ABCA4: variants seen among roughly 807,000 people sequenced by gnomAD.
ABCA4 encodes the protein ATP binding cassette subfamily A member 4.
In ABCA4, 196 loss-of-function variants were observed where a neutral mutation model predicts 263.7. The ratio of observed to expected loss-of-function variants is 0.74; its 90% CI spans 0.66 to 0.84. The LOEUF (loss-of-function observed/expected upper bound fraction) is 0.84, where lower values mean the gene tolerates loss of function less well. Among genes scored for constraint, ABCA4 ranks in the 40% least tolerant of loss-of-function variants. The probability of loss-of-function intolerance (pLI) is 0.00; values close to 1 mark genes in which losing one functional copy is unlikely to be tolerated. For synonymous variants in ABCA4, 1,133 were observed against 1,094.2 expected (o/e 1.04, Z -0.70); for missense variants, 2,792 against 2,855.1 (o/e 0.98, Z 0.50).
intron 48 of ABCA4, 116 bp from the exon 49 acceptor site, chr1:93,996,311 G>A: frequency 2.4e-6 from 2 of 833,212 alleles, no homozygotes; most frequent in South Asian, 2.9e-5. Flanking sequence ...CTGCTGGTAT[G>A]GCTTGTGTCC....
At chr1:94,085,819 C>T (rs534748395) in intron 6 of ABCA4, among the ~76,000 whole-genome samples, 7 of 152,314 alleles carry the variant, frequency 4.6e-5, no homozygotes, top group Admixed American at 1.3e-4. Context: ...GCTCTGCTCT[C>T]TATTCCCCCC....
chr1:94,055,086 T>A (rs1660935706), intron 16 of ABCA4, 25 bp downstream of exon 16: 2 of 1,606,202 alleles, frequency 1.2e-6, no homozygotes, highest in Non-Finnish European at 8.5e-7. Flanking sequence ...TCAATTACCT[T>A]TACCCTATAG....
chr1:94,046,455 C>CAAAAAAAAAAAAAAAAA (rs61333901), intron 19 of ABCA4, among the ~76,000 whole-genome samples: 10 of 42,230 alleles, frequency 2.4e-4, no homozygotes, highest in East Asian at 9.5e-4. Context: ...GTTACTATCT[C>CAAAAAAAAAAAAAAAAA]AAAAAAAAAA....
intron 15 of ABCA4, 57 bp downstream of exon 15, chr1:94,056,544 C>T: frequency 6.4e-7 from 1 of 1,565,330 alleles, no homozygotes; most frequent in South Asian, 1.1e-5. Context: ...TCCAGGACTG[C>T]TACGGACCCT....
intron 36 of ABCA4, among the ~76,000 whole-genome samples, chr1:94,016,313 G>T (rs1659743921): frequency 6.6e-6 from 1 of 152,218 alleles, no homozygotes; most frequent in African/African-American, 2.4e-5. Flanking sequence ...TAGGGGAGGA[G>T]CCATGGTGAT....
intron 43 of ABCA4, among the ~76,000 whole-genome samples, chr1:94,005,783 T>C (rs935869136): frequency 1.3e-5 from 2 of 152,234 alleles, no homozygotes; most frequent in Admixed American, 6.5e-5. Context: ...GATTCTTCCA[T>C]GTTTCCATGT....
At position 94,037,213 on chromosome 1, in the gene ABCA4, C is replaced by G. The variant is rs1451564181; in HGVS notation, c.3745G>C (p.Glu1249Gln). 1 of 1,614,094 alleles carries G rather than the reference C, an allele frequency of 6.2e-7. No homozygotes were observed. Among genetic ancestry groups the G allele is most frequent in the African/African-American group, 1.3e-5 (1 of 74,924 alleles). The change falls in exon 25 of 50, where the codon GAG becomes CAG. Residue 1249 changes from glutamate to glutamine, a missense_variant. Transcript: ENST00000370225. Reference protein sequence around the residue: ...KHRAYASLFRELEETLADLGL... With the variant: ...KHRAYASLFRQLEETLADLGL... Reference sequence around the variant, plus strand: ...AGGTCAGCCAGCGTCTCCTCCAGCTCTCTGAAAAGGCTGGCATATGCTCTG... The same window carrying G: ...AGGTCAGCCAGCGTCTCCTCCAGCTGTCTGAAAAGGCTGGCATATGCTCTG...
intron 11 of ABCA4, among the ~76,000 whole-genome samples, chr1:94,071,922 G>A (rs1275622379): frequency 6.6e-6 from 1 of 152,120 alleles, no homozygotes; most frequent in African/African-American, 2.4e-5. Flanking sequence ...TTTCTCCCTA[G>A]CCTTCCAATG....
At chr1:94,116,117 G>A (rs1662751153) in intron 1 of ABCA4, among the ~76,000 whole-genome samples, 1 of 152,142 alleles carries the variant, frequency 6.6e-6, no homozygotes, top group African/African-American at 2.4e-5. Context: ...GAAGAATCTG[G>A]TCTCCACAAG....
In ABCA4 at chr1:94,031,398, C is replaced by A. The variant is rs78752241; in HGVS notation, c.4129-278G>T. On this transcript the variant is annotated intron_variant, in intron 27 of 49. Transcript: ENST00000370225. ...GCATTTCAAAGAGCAAGTCACGTGA[C>A]TCACTGTTCTTTAAACCAGAGCTTC... Among the ~76,000 whole-genome samples the A allele has an allele frequency of 0.021, 3,227 of 152,258 alleles. 134 individuals are homozygous for A. The highest frequency in any genetic ancestry group is 0.073 in the African/African-American group (3,019 of 41,528).
chr1:94,077,746 T>C lies in ABCA4; in HGVS notation c.1498A>G (p.Arg500Gly), dbSNP rs767437562. ...CGATCAGTGATGTTAAATATGTCCCTCCAGTCGAAGTTGGCCATGTCGTCA... is the reference window on the plus strand; with the variant it reads ...CGATCAGTGATGTTAAATATGTCCCCCCAGTCGAAGTTGGCCATGTCGTCA... ...QADDMANFDW[R>G]DIFNITDRTL... Residue 500 changes from arginine to glycine, a missense_variant, in exon 11 of 50, where the codon AGG becomes GGG. Transcript: ENST00000370225. 6.2e-7 allele frequency: 1 copy of C among 1,614,146 alleles called. No homozygotes were observed. Among genetic ancestry groups the C allele is most frequent in the Non-Finnish European group, 8.5e-7 (1 of 1,180,024 alleles).
intron 29 of ABCA4, 73 bp downstream of exon 29, chr1:94,030,355 G>C (rs1344729598): frequency 3.6e-6 from 5 of 1,371,314 alleles, no homozygotes; most frequent in Non-Finnish European, 5.2e-6. Context: ...CCCAACGCCT[G>C]CCATCTTGAA....
chr1:94,079,071 A>T (rs1318699049), intron 9 of ABCA4, among the ~76,000 whole-genome samples: 1 of 152,136 alleles, frequency 6.6e-6, no homozygotes, highest in East Asian at 1.9e-4. Context: ...TCCATTAGGG[A>T]TATAATTCAA....
intron 19 of ABCA4, 78 bp from the exon 20 acceptor site, chr1:94,044,822 T>G (rs1660629164): frequency 1.1e-5 from 17 of 1,607,080 alleles, no homozygotes; most frequent in Admixed American, 1.7e-5. Flanking sequence ...CACACCAGGT[T>G]CAGTGAGAAC....
intron 45 of ABCA4, chr1:94,001,561 G>A (rs1007559293): frequency 2.9e-5 from 17 of 593,152 alleles, no homozygotes; most frequent in African/African-American, 2.7e-4. Context: ...ACCAGACACC[G>A]ACAGGCCGCA....
chr1:94,077,414 G>A (rs1215737177), intron 11 of ABCA4, among the ~76,000 whole-genome samples: 1 of 152,160 alleles, frequency 6.6e-6, no homozygotes, highest in African/African-American at 2.4e-5. Context: ...GAAGAGGGTT[G>A]AGGACAGACA....
In ABCA4 at chr1:94,037,240, G is replaced by A; in HGVS notation, c.3718C>T (p.His1240Tyr). 1 of 1,614,198 alleles carries A rather than the reference G, an allele frequency of 6.2e-7. No homozygotes were observed. The stretch of plus-strand genomic sequence containing the variant: ...CTGAAAAGGCTGGCATATGCTCTGT[G>A]CTTGAAGTTCTTATTTGGAAGAAGG... ...IFLLPNKNFK[H>Y]RAYASLFREL... Residue 1240 changes from histidine (H) to tyrosine (Y), a missense_variant, in exon 25 of 50, where the codon CAC becomes TAC. Coordinates refer to ENST00000370225, the MANE Select transcript of ABCA4 (RefSeq NM_000350.3).
intron 47 of ABCA4, 149 bp from the exon 48 acceptor site, chr1:93,998,259 G>A (rs1659068067): frequency 1.9e-6 from 2 of 1,056,570 alleles, no homozygotes; most frequent in African/African-American, 1.6e-5. Context: ...GGGAGGTAGA[G>A]GTGGGAGGAT....
At position 94,120,977 on chromosome 1, in the gene ABCA4, T is replaced by G. The variant is rs781460114; in HGVS notation, c.66+3A>C. The G allele has an allele frequency of 6.2e-7, 1 of 1,613,316 alleles. No homozygotes were observed. ...TTTTTAAACCACAGACAGTAACTGT[T>G]ACCTTTTGCCTTTTCCGCAGGGTCC... On this transcript the variant is annotated splice_donor_region_variant and intron_variant, in intron 1 of 49. Transcript: ENST00000370225.
Sources: allele counts gnomAD v4.1 joint callset (sites outside exome capture counted in the v4.1 genomes callset), GRCh38; gene constraint gnomAD v4.1.1; transcripts MANE v1.5; gene names NCBI Gene and HGNC (gene_info 2026-07-23, HGNC 2026-07-21).